The following RUNX1 variants were observed in gnomAD, a reference collection of about 807,000 sequenced individuals.
The protein encoded by RUNX1 is runt-related transcription factor 1.
Under a neutral mutation model 42.8 loss-of-function variants are expected in RUNX1, and 19 were observed. The ratio of observed to expected loss-of-function variants is 0.44; its 90% confidence interval spans 0.31 to 0.65. RUNX1 has a LOEUF of 0.65. Ranked by LOEUF, RUNX1 falls within the 30% of genes least tolerant of loss-of-function variation. RUNX1 has a pLI of 0.07. For missense variants in RUNX1, 528 were observed against 672.0 expected, an observed-to-expected ratio of 0.79 and a Z score of 2.37; for synonymous variants, 271 against 289.4, an observed-to-expected ratio of 0.94 and a Z score of 0.64.
intron 2 of RUNX1, among the ~76,000 whole-genome samples, chr21:34,959,694 T>C (rs1012332480): frequency 1.3e-5 from 2 of 152,102 alleles, no homozygotes; most frequent in African/African-American, 4.8e-5. Flanking sequence ...GGTTCATTTC[T>C]TTAGGAACCT....
intron 6 of RUNX1, among the ~76,000 whole-genome samples, chr21:34,840,376 C>G (rs1278859116): frequency 6.6e-6 from 1 of 152,236 alleles, no homozygotes; most frequent in Non-Finnish European, 1.5e-5. Flanking sequence ...CATTCTAAAT[C>G]TGCTTTTCTA....
intron 2 of RUNX1, among the ~76,000 whole-genome samples, chr21:34,999,186 G>A (rs207477867): frequency 6.6e-6 from 1 of 152,226 alleles, no homozygotes; most frequent in Non-Finnish European, 1.5e-5. Flanking sequence ...TGGAGGCTGG[G>A]GTGATCAGGC....
chr21:35,011,170 C>G (rs991990673), intron 2 of RUNX1, among the ~76,000 whole-genome samples: 1 of 151,906 alleles, frequency 6.6e-6, no homozygotes, highest in African/African-American at 2.4e-5. Flanking sequence ...GCAAAGTTAA[C>G]TGGGGATAAA....
chr21:34,912,381 C>T (rs2058279517), intron 2 of RUNX1, among the ~76,000 whole-genome samples: 1 of 151,896 alleles, frequency 6.6e-6, no homozygotes, highest in Non-Finnish European at 1.5e-5. Flanking sequence ...CTCTTGGGTG[C>T]CCTGAGGGCT....
chr21:34,863,647 C>T (rs1363143555), intron 5 of RUNX1, among the ~76,000 whole-genome samples: 4 of 150,732 alleles, frequency 2.7e-5, no homozygotes, highest in South Asian at 2.1e-4. Flanking sequence ...CTCTGCCTCC[C>T]GGGTTCAAGC....
chr21:35,000,031 T>C (rs1329614665), intron 2 of RUNX1, among the ~76,000 whole-genome samples: 1 of 152,164 alleles, frequency 6.6e-6, no homozygotes, highest in African/African-American at 2.4e-5. Flanking sequence ...CAAACAGTTA[T>C]TTGATTGCAA....
At chr21:35,005,341 G>A (rs1480542877) in intron 2 of RUNX1, among the ~76,000 whole-genome samples, 2 of 152,046 alleles carry the variant, frequency 1.3e-5, no homozygotes, top group African/African-American at 4.8e-5. Flanking sequence ...GTATATGCAA[G>A]GAAATAGCCT....
At chr21:34,940,977 C>T (rs1049645986) in intron 2 of RUNX1, among the ~76,000 whole-genome samples, 6 of 152,184 alleles carry the variant, frequency 3.9e-5, no homozygotes, top group African/African-American at 7.2e-5. Flanking sequence ...CTAGAAATGT[C>T]GGATCTTGTC....
intron 2 of RUNX1, among the ~76,000 whole-genome samples, chr21:34,922,456 C>T (rs1376334930): frequency 6.6e-6 from 1 of 152,154 alleles, no homozygotes; most frequent in Non-Finnish European, 1.5e-5. Flanking sequence ...TGGCCAAGGT[C>T]ACATACCTAG....
At chr21:34,798,118 T>A in intron 8 of RUNX1, 1 of 456,630 alleles carries the variant, frequency 2.2e-6, no homozygotes, top group South Asian at 1.5e-5. Context: ...TTACACAACA[T>A]TTAAAATGGC....
At chr21:34,811,295 C>A (rs559763098) in intron 7 of RUNX1, among the ~76,000 whole-genome samples, 21 of 152,356 alleles carry the variant, frequency 1.4e-4, no homozygotes, top group African/African-American at 5.1e-4. Context: ...CAAAGGGCTG[C>A]TTCTGTGCTC....
intron 2 of RUNX1, among the ~76,000 whole-genome samples, chr21:34,977,034 A>G (rs1010360454): frequency 1.3e-5 from 2 of 152,232 alleles, no homozygotes; most frequent in Non-Finnish European, 2.9e-5. Flanking sequence ...ATCTTCACCA[A>G]TTCAATGGAT....
chr21:34,913,853 ACT>A (rs1380495076), intron 2 of RUNX1, among the ~76,000 whole-genome samples: 1 of 152,062 alleles, frequency 6.6e-6, no homozygotes, highest in Non-Finnish European at 1.5e-5. Context: ...AGCTTAGGAG[ACT>A]CTAAAAATAT....
intron 2 of RUNX1, among the ~76,000 whole-genome samples, chr21:34,924,323 T>A (rs1464064049): frequency 6.6e-6 from 1 of 152,226 alleles, no homozygotes; most frequent in African/African-American, 2.4e-5. Flanking sequence ...GAACACAGTC[T>A]CTTTCCTTAA....
At chr21:35,041,438 G>A (rs978930646) in intron 2 of RUNX1, among the ~76,000 whole-genome samples, 2 of 152,006 alleles carry the variant, frequency 1.3e-5, no homozygotes, top group Non-Finnish European at 2.9e-5. Flanking sequence ...AAATGTCTTG[G>A]GGAACTCATT....
intron 2 of RUNX1, among the ~76,000 whole-genome samples, chr21:34,922,544 G>A (rs1449222987): frequency 6.6e-6 from 1 of 152,190 alleles, no homozygotes; most frequent in Non-Finnish European, 1.5e-5. Flanking sequence ...GGGTAAGGGA[G>A]AGAAGGGGTG....
At chr21:34,935,837 T>C (rs1025999849) in intron 2 of RUNX1, among the ~76,000 whole-genome samples, 7 of 152,200 alleles carry the variant, frequency 4.6e-5, no homozygotes, top group Non-Finnish European at 8.8e-5. Flanking sequence ...GGATACAGCA[T>C]GTCCACTAGA....
intron 7 of RUNX1, among the ~76,000 whole-genome samples, chr21:34,819,350 G>A (rs1056378689): frequency 4.6e-5 from 7 of 152,194 alleles, no homozygotes; most frequent in Middle Eastern, 6.3e-3. Context: ...TATGGGAGGG[G>A]AAGATGGAGA....
intron 2 of RUNX1, among the ~76,000 whole-genome samples, chr21:35,011,298 A>G (rs1440178435): frequency 1.3e-5 from 2 of 152,178 alleles, no homozygotes; most frequent in African/African-American, 4.8e-5. Flanking sequence ...TCCCAAGCCC[A>G]TGACACACAT....
Sources: gnomAD v4.1 joint callset for allele counts (sites outside exome capture counted in the v4.1 genomes callset) on GRCh38, gnomAD v4.1.1 for gene constraint, MANE v1.5 for transcripts, NCBI Gene and HGNC (gene_info 2026-07-23, HGNC 2026-07-21) for gene names.